The following SLC26A2 variants were observed in gnomAD, a reference collection of about 807,000 sequenced individuals.
The protein encoded by SLC26A2 is solute carrier family 26 member 2, also known as sulfate transporter.
SLC26A2 carries 36 observed loss-of-function variants against 41.1 expected under a neutral mutation model. The ratio of observed to expected loss-of-function variants is 0.88; its 90% CI spans 0.67 to 1.16. The LOEUF (loss-of-function observed/expected upper bound fraction) is 1.16. Ranked by LOEUF, SLC26A2 falls within the 50% of genes most tolerant of loss-of-function variation. SLC26A2 has a pLI of 0.00. For missense variants in SLC26A2, 796 were observed against 869.6 expected (o/e 0.92, Z 1.07); for synonymous variants, 291 against 311.6 (o/e 0.93, Z 0.70).
chr5:149,973,638 T>A (rs902204596), intron 1 of SLC26A2, among the ~76,000 whole-genome samples: 2 of 152,086 alleles, frequency 1.3e-5, no homozygotes, highest in Non-Finnish European at 2.9e-5. Context: ...TTCTTTTTCA[T>A]ATTTTATTTT....
rs776787689 is a variant in SLC26A2, at chr5:149,978,121, T to C, written c.469T>C (p.Ser157Pro). ...CATCATTTATTTTCTCTTGGGTACC[T>C]CCCGTCACATCTCTGTGGGCATTTT... The part of the protein sequence containing the change: ...ASIIYFLLGT[S>P]RHISVGIFGV... Residue 157 changes from serine (S) to proline (P), a missense_variant, in exon 2 of 3, where the codon TCC (serine) becomes CCC (proline). Transcript: ENST00000286298. 2 of 1,604,690 alleles carry C rather than the reference T, an allele frequency of 1.2e-6. No individual in the cohort carries two copies. The highest frequency in any genetic ancestry group is 8.5e-7 in the Non-Finnish European group (1 of 1,174,378).
Position 149,980,881 on chromosome 5 carries a change from T to A in SLC26A2, c.1288T>A (p.Phe430Ile). Residue 430 changes from phenylalanine (F) to isoleucine (I), a missense_variant, in exon 3 of 3, where the codon TTC becomes ATC. Transcript: ENST00000286298. ...AIGFCNIIPS[F>I]FHCFTTSAAL... ...TGGCTTTTGTAATATCATCCCTTCC[T>A]TCTTCCACTGTTTTACTACTAGTGC... The A allele has an allele frequency of 6.2e-7, 1 of 1,614,198 alleles. No individual in the cohort carries two copies. Among genetic ancestry groups the A allele is most frequent in the Non-Finnish European group, 8.5e-7 (1 of 1,180,006 alleles).
At position 149,981,208 on chromosome 5, in the gene SLC26A2, A is replaced by G. The variant is rs1448915287; in HGVS notation, c.1615A>G (p.Ile539Val). ...CCTACTTGTTGGGGTTTGTTTTTCT[A>G]TATTTTGTGTCATCCTCCGCACTCA... The part of the protein sequence containing the change: ...IGLLVGVCFS[I>V]FCVILRTQKP... The change falls in exon 3 of 3, where the codon ATA (isoleucine) becomes GTA (valine). Residue 539 changes from isoleucine (I) to valine (V), a missense_variant. Ile to Val is a conservative substitution (Grantham distance 29, BLOSUM62 3). Transcript: ENST00000286298. 39 of 1,613,964 alleles carry G rather than the reference A, an allele frequency of 2.4e-5. No individual in the cohort carries two copies. Among genetic ancestry groups the G allele is most frequent in the Non-Finnish European group, 3.1e-5 (37 of 1,179,996 alleles).
chr5:149,977,331 A>G (rs1755009155), intron 1 of SLC26A2, among the ~76,000 whole-genome samples: 1 of 152,160 alleles, frequency 6.6e-6, no homozygotes, highest in African/African-American at 2.4e-5. Context: ...TTCAGGAGGA[A>G]AAACTGCCAG....
chr5:149,983,150 T>G lies in SLC26A2; in HGVS notation c.*1337T>G, dbSNP rs1371261757. On this transcript the variant is annotated 3_prime_UTR_variant, in exon 3 of 3. Coordinates refer to ENST00000286298, the MANE Select transcript of SLC26A2 (RefSeq NM_000112.4). ...GGCATCTGTTGGAGTGGGATGCTTT[T>G]AGACATATATTAAGTATGTACATGT... 2.6e-5 allele frequency: 4 copies of G among 152,034 alleles called. No individual in the cohort carries two copies. The highest frequency in any genetic ancestry group is 4.4e-5 in the Non-Finnish European group (3 of 68,002). 9.4% of individuals were successfully genotyped at this position (152,034 alleles called of 1,614,324 possible). A position where few individuals can be genotyped will look rare whatever the true frequency, so the allele number is the denominator to read the frequency against.
At chr5:149,973,923 A>C (rs994472903) in intron 1 of SLC26A2, among the ~76,000 whole-genome samples, 1 of 152,218 alleles carries the variant, frequency 6.6e-6, no homozygotes, top group Non-Finnish European at 1.5e-5. Flanking sequence ...TGGGAGGATC[A>C]CTTGAGGCCA....
At chr5:149,978,826 T>G (rs1755043515) in intron 2 of SLC26A2, among the ~76,000 whole-genome samples, 1 of 152,142 alleles carries the variant, frequency 6.6e-6, no homozygotes, top group Admixed American at 6.5e-5. Context: ...TAGCTAGGAC[T>G]ACAGGCACAT....
chr5:149,982,113 C>T lies in SLC26A2; in HGVS notation c.*300C>T, dbSNP rs570796999. On this transcript the variant is annotated 3_prime_UTR_variant, in exon 3 of 3. Transcript: ENST00000286298. ...AGTAGCTCCAAAACTTAATTACTCT[C>T]CTGTTTTAGGGGTTATACATTTGGA... is the stretch of plus-strand genomic sequence containing the variant. The T allele has an allele frequency of 9.5e-4, 302 of 316,746 alleles. 1 individual carries two copies. The highest frequency in any genetic ancestry group is 1.4e-3 in the South Asian group (29 of 20,676). The allele number at this position is 316,746 out of a possible 1,614,324, so 19.6% of individuals were successfully genotyped here.
At chr5:149,978,700 T>C in intron 2 of SLC26A2, among the ~76,000 whole-genome samples, 1 of 151,792 alleles carries the variant, frequency 6.6e-6, no homozygotes, top group East Asian at 1.9e-4. Context: ...TCACTTTTTT[T>C]TTTTTTCTGG....
At chr5:149,974,415 T>A (rs1252798125) in intron 1 of SLC26A2, among the ~76,000 whole-genome samples, 1 of 151,316 alleles carries the variant, frequency 6.6e-6, no homozygotes, top group East Asian at 1.9e-4. Context: ...ATAGATTATA[T>A]ATTATATATA....
intron 1 of SLC26A2, among the ~76,000 whole-genome samples, chr5:149,972,133 A>G (rs1443650273): frequency 6.6e-6 from 1 of 152,278 alleles, no homozygotes; most frequent in African/African-American, 2.4e-5. Context: ...AGCCCAGGTT[A>G]GATATGTTCC....
chr5:149,976,915 C>T (rs1755001147), intron 1 of SLC26A2, among the ~76,000 whole-genome samples: 1 of 152,188 alleles, frequency 6.6e-6, no homozygotes, highest in Non-Finnish European at 1.5e-5. Flanking sequence ...AGACAAAAAC[C>T]TTCTACAGCA....
At chr5:149,978,410 C>A in intron 2 of SLC26A2, 59 bp downstream of exon 2, 1 of 1,244,444 alleles carries the variant, frequency 8.0e-7, no homozygotes, top group Non-Finnish European at 1.2e-6. Flanking sequence ...CATGAAATCT[C>A]ATATCTCTAA....
intron 1 of SLC26A2, chr5:149,962,249 T>C (rs1241606099): frequency 3.9e-5 from 6 of 152,180 alleles, no homozygotes; most frequent in African/African-American, 1.2e-4. Flanking sequence ...TGTAATGTGC[T>C]GCCTCCTAGG....
rs571125699 is a variant in SLC26A2, at chr5:149,981,068, G to A, written c.1475G>A (p.Arg492Gln). 13 of 1,614,098 alleles carry A rather than the reference G, an allele frequency of 8.1e-6. No individual in the cohort carries two copies. The highest frequency in any genetic ancestry group is 1.6e-4 in the Middle Eastern group (1 of 6,062). Residue 492 changes from arginine (R) to glutamine (Q), a missense_variant, in exon 3 of 3, where the codon CGG becomes CAG. By Grantham distance (43) the Arg-to-Gln change is conservative. Transcript: ENST00000286298. ...GGTGTGATCACAATTGTAAATCTAC[G>A]GGGAGCCCTTCGTAAATTTAGGGAT... Reference protein sequence around the residue: ...VLGVITIVNLRGALRKFRDLP... With the variant: ...VLGVITIVNLQGALRKFRDLP...
chr5:149,980,869 A>G lies in SLC26A2; in HGVS notation c.1276A>G (p.Ile426Val), dbSNP rs1320586992. 2 of 1,613,978 alleles carry G rather than the reference A, an allele frequency of 1.2e-6. No homozygotes were observed. The highest frequency in any genetic ancestry group is 2.2e-5 in the East Asian group (1 of 44,886). The change falls in exon 3 of 3, where the codon ATC becomes GTC. Residue 426 changes from isoleucine to valine, a missense_variant. Transcript: ENST00000286298. ...QEMYAIGFCN[I>V]IPSFFHCFTT... is the part of the protein sequence containing the mutation. ...AATGTATGCCATTGGCTTTTGTAATATCATCCCTTCCTTCTTCCACTGTTT... is the reference window on the plus strand; with the variant it reads ...AATGTATGCCATTGGCTTTTGTAATGTCATCCCTTCCTTCTTCCACTGTTT...
intron 1 of SLC26A2, among the ~76,000 whole-genome samples, chr5:149,963,327 G>A (rs959261630): frequency 3.3e-5 from 5 of 150,730 alleles, no homozygotes; most frequent in Non-Finnish European, 7.4e-5. Flanking sequence ...TCTCCAGGCC[G>A]GAGTGCAGTG....
chr5:149,978,503 C>T, intron 2 of SLC26A2, 152 bp downstream of exon 2: 1 of 733,070 alleles, frequency 1.4e-6, no homozygotes, highest in South Asian at 1.6e-5. Context: ...AATTCAAACC[C>T]TAACCTGACT....
intron 1 of SLC26A2, among the ~76,000 whole-genome samples, chr5:149,969,433 A>G (rs376300870): frequency 2.3e-4 from 35 of 152,334 alleles, no homozygotes; most frequent in African/African-American, 8.2e-4. Flanking sequence ...TGGACATATT[A>G]TAAAAATCTC....
Sources: gnomAD v4.1 joint callset for allele counts (sites outside exome capture counted in the v4.1 genomes callset) on GRCh38, gnomAD v4.1.1 for gene constraint, MANE v1.5 for transcripts, NCBI Gene and HGNC (gene_info 2026-07-23, HGNC 2026-07-21) for gene names.